CDH22: variants seen among roughly 807,000 people sequenced by gnomAD.
CDH22 encodes cadherin-22.
A neutral mutation model predicts 58.4 loss-of-function variants in CDH22; 30 were observed. The ratio of observed to expected loss-of-function variants is 0.51; its 90% CI spans 0.38 to 0.70. The LOEUF (loss-of-function observed/expected upper bound fraction) is 0.70. Ranked by LOEUF, CDH22 falls within the 30% of genes least tolerant of loss-of-function variation. The pLI is 0.00. For missense variants in CDH22, 1,014 were observed against 1,233.9 expected, an observed-to-expected ratio of 0.82 and a Z score of 2.67; for synonymous variants, 513 against 558.2, an observed-to-expected ratio of 0.92 and a Z score of 1.14.
intron 10 of CDH22, among the ~76,000 whole-genome samples, chr20:46,182,564 C>T (rs2085797138): frequency 6.6e-6 from 1 of 152,196 alleles, no homozygotes; most frequent in South Asian, 2.1e-4. Context: ...GTCCCCACCA[C>T]TCCTCCACCC....
At chr20:46,290,977 A>G (rs1417560763) in intron 1 of CDH22, among the ~76,000 whole-genome samples, 1 of 152,158 alleles carries the variant, frequency 6.6e-6, no homozygotes, top group Non-Finnish European at 1.5e-5. Flanking sequence ...TTCAAGACAG[A>G]ATTCAAATAA....
At chr20:46,217,330 A>ATGCT (rs1330352112) in intron 4 of CDH22, among the ~76,000 whole-genome samples, 2 of 152,160 alleles carry the variant, frequency 1.3e-5, no homozygotes, top group Non-Finnish European at 2.9e-5. Context: ...ATGTACACAC[A>ATGCT]TGCTCATATA....
chr20:46,198,207 G>A (rs1000005946), intron 8 of CDH22, among the ~76,000 whole-genome samples: 4 of 151,146 alleles, frequency 2.6e-5, no homozygotes, highest in African/African-American at 9.7e-5. Flanking sequence ...CACCTCCACA[G>A]CCTTACTTAC....
At chr20:46,181,748 C>CTTCCTTCCTTCCTTCCTTCG (rs1555800211) in intron 10 of CDH22, among the ~76,000 whole-genome samples, 6 of 26,314 alleles carry the variant, frequency 2.3e-4, no homozygotes, top group Admixed American at 4.2e-4. Flanking sequence ...TCCTTCCTTC[C>CTTCCTTCCTTCCTTCCTTCG]TTCCTTCTTT....
At chr20:46,257,076 G>A (rs1418183565) in intron 1 of CDH22, among the ~76,000 whole-genome samples, 2 of 151,802 alleles carry the variant, frequency 1.3e-5, no homozygotes, top group African/African-American at 4.8e-5. Flanking sequence ...GGGAGGCTGA[G>A]GCAGCTGGAT....
intron 8 of CDH22, among the ~76,000 whole-genome samples, chr20:46,188,221 C>A (rs1009621139): frequency 3.3e-5 from 5 of 152,164 alleles, no homozygotes; most frequent in African/African-American, 1.2e-4. Context: ...TTGGGTAAGA[C>A]CCTGCCTTCT....
chr20:46,210,258 G>T lies in CDH22; in HGVS notation c.1286+49C>A. The T allele has an allele frequency of 1.5e-6, 2 of 1,364,252 alleles. No individual in the cohort carries two copies. Among genetic ancestry groups the T allele is most frequent in the South Asian group, 1.7e-5 (1 of 60,210 alleles). 84.5% of individuals were successfully genotyped at this position (1,364,252 alleles called of 1,614,324 possible). A position where few individuals can be genotyped will look rare whatever the true frequency, so the allele number is the denominator to read the frequency against. ...CTGCCCGCAGTCTGTCCGCGGGGGT[G>T]ATGGCGGGATAGCAGGCAGCAGGCG... On this transcript the variant is annotated intron_variant, in intron 7 of 11. Coordinates refer to ENST00000537909, the MANE Select transcript of CDH22 (RefSeq NM_021248.3). This position sits in a 1 kb window ranked among gnomAD's most constrained non-coding sequence, Gnocchi z 4.5.
intron 10 of CDH22, among the ~76,000 whole-genome samples, chr20:46,180,102 G>A (rs2085773819): frequency 6.6e-6 from 1 of 152,238 alleles, no homozygotes; most frequent in Non-Finnish European, 1.5e-5. Flanking sequence ...GTCACGTTGT[G>A]TTAAGTTAGT....
At chr20:46,207,701 G>A (rs2425780) in intron 7 of CDH22, among the ~76,000 whole-genome samples, 139,107 of 152,194 alleles carry the variant, frequency 0.91, 63,778 homozygotes, top group East Asian at 1. Flanking sequence ...CATCTTTCCC[G>A]GCCCCCTGTA....
intron 6 of CDH22, among the ~76,000 whole-genome samples, chr20:46,212,567 T>G (rs564074986): frequency 6.6e-6 from 1 of 152,344 alleles, no homozygotes; most frequent in Admixed American, 6.5e-5. Flanking sequence ...CTCTACCATG[T>G]GCCTTACAGG....
At chr20:46,247,883 C>T (rs2086342298) in intron 2 of CDH22, among the ~76,000 whole-genome samples, 1 of 152,152 alleles carries the variant, frequency 6.6e-6, no homozygotes, top group Non-Finnish European at 1.5e-5. Flanking sequence ...GAGAGCAGGG[C>T]AGGGGCTCTG....
At chr20:46,214,592 C>T (rs571880632) in intron 5 of CDH22, among the ~76,000 whole-genome samples, 49 of 152,318 alleles carry the variant, frequency 3.2e-4, no homozygotes, top group Non-Finnish European at 6.2e-4. Context: ...CCCACTCCAT[C>T]TCTAGCTTCA....
chr20:46,243,964 C>T (rs532172090), intron 2 of CDH22, among the ~76,000 whole-genome samples: 1 of 152,322 alleles, frequency 6.6e-6, no homozygotes, highest in South Asian at 2.1e-4. Flanking sequence ...CTCTACCACT[C>T]ACTAATGTTG....
At chr20:46,268,721 G>A (rs994090325) in intron 1 of CDH22, among the ~76,000 whole-genome samples, 1 of 152,204 alleles carries the variant, frequency 6.6e-6, no homozygotes, top group South Asian at 2.1e-4. Context: ...GGCTTCAGGG[G>A]CCAAGGCCGA....
intron 5 of CDH22, among the ~76,000 whole-genome samples, chr20:46,214,390 G>A (rs2086067400): frequency 6.6e-6 from 1 of 152,158 alleles, no homozygotes; most frequent in African/African-American, 2.4e-5. Flanking sequence ...TGGAGTGGCT[G>A]CCTCTGATTC....
chr20:46,252,139 G>A (rs181397514), intron 1 of CDH22, among the ~76,000 whole-genome samples: 1 of 152,052 alleles, frequency 6.6e-6, no homozygotes, highest in East Asian at 1.9e-4. Context: ...CAGAAGTCCA[G>A]CACCCAGCCC....
At chr20:46,206,188 A>T (rs1388279633) in intron 7 of CDH22, among the ~76,000 whole-genome samples, 1 of 152,122 alleles carries the variant, frequency 6.6e-6, no homozygotes, top group East Asian at 1.9e-4. Flanking sequence ...CACTAACCAC[A>T]AGGAGAGTAA....
chr20:46,186,460 A>G (rs1568651445), intron 10 of CDH22, 128 bp downstream of exon 10: 1 of 727,786 alleles, frequency 1.4e-6, no homozygotes, highest in Non-Finnish European at 2.3e-6. Context: ...AGCTTGGCCC[A>G]GACTTTCCAT....
At chr20:46,199,349 C>G in intron 8 of CDH22, 74 bp downstream of exon 8, 2 of 1,538,788 alleles carry the variant, frequency 1.3e-6, no homozygotes, top group Non-Finnish European at 1.7e-6. Flanking sequence ...TGCCCCCAGC[C>G]CTTGGCCCCT....
Sources: allele counts gnomAD v4.1 joint callset (sites outside exome capture counted in the v4.1 genomes callset), GRCh38; gene constraint gnomAD v4.1.1; non-coding constraint Gnocchi (gnomAD v3.1); transcripts MANE v1.5; gene names NCBI Gene and HGNC (gene_info 2026-07-23, HGNC 2026-07-21).